LRP1B: variants seen among roughly 807,000 people sequenced by gnomAD.
LRP1B encodes low-density lipoprotein receptor-related protein 1B.
A neutral mutation model predicts 556.6 loss-of-function variants in LRP1B; 217 were observed. The observed-to-expected ratio is 0.39, with a 90% CI of 0.35 to 0.44. The LOEUF (loss-of-function observed/expected upper bound fraction) is 0.44, where lower values mean the gene tolerates loss of function less well. Among genes scored for constraint, LRP1B ranks in the 20% least tolerant of loss-of-function variants. The pLI is 1.00. For missense variants in LRP1B, 5,053 were observed against 5,620.8 expected, an observed-to-expected ratio of 0.90 and a Z score of 3.23; for synonymous variants, 2,047 against 1,865.8, an observed-to-expected ratio of 1.10 and a Z score of -2.50.
chr2:141,774,805 A>G (rs1695007611), intron 2 of LRP1B, among the ~76,000 whole-genome samples: 1 of 152,160 alleles, frequency 6.6e-6, no homozygotes, highest in Non-Finnish European at 1.5e-5. Flanking sequence ...AACCAGAAGA[A>G]TCTTCTCAGA....
chr2:141,678,875 T>C (rs1690993653), intron 2 of LRP1B, among the ~76,000 whole-genome samples: 1 of 152,178 alleles, frequency 6.6e-6, no homozygotes, highest in Non-Finnish European at 1.5e-5. Flanking sequence ...CTGGTATTCA[T>C]GCTCCTATGA....
intron 83 of LRP1B, among the ~76,000 whole-genome samples, 160 bp downstream of exon 83, chr2:140,314,775 T>A (rs1048894893): frequency 7.2e-5 from 11 of 152,142 alleles, no homozygotes; most frequent in Non-Finnish European, 1.2e-4. Context: ...ATATACTGAA[T>A]TTAGAACAAA....
intron 2 of LRP1B, among the ~76,000 whole-genome samples, chr2:141,570,988 G>A (rs890288326): frequency 2.0e-5 from 3 of 151,302 alleles, no homozygotes. Flanking sequence ...GTAGTTCTGA[G>A]ACATCCAGGC....
At chr2:141,750,929 A>C (rs563564597) in intron 2 of LRP1B, among the ~76,000 whole-genome samples, 4 of 152,170 alleles carry the variant, frequency 2.6e-5, no homozygotes, top group African/African-American at 9.6e-5. Flanking sequence ...GAATTTCATG[A>C]TAAAACCTTT....
At chr2:140,425,420 C>T (rs773358004) in intron 66 of LRP1B, among the ~76,000 whole-genome samples, 14 of 151,946 alleles carry the variant, frequency 9.2e-5, no homozygotes, top group South Asian at 2.1e-4. Flanking sequence ...CCAGCCCCGC[C>T]GAGACAGAGT....
intron 43 of LRP1B, among the ~76,000 whole-genome samples, chr2:140,597,899 G>T (rs755486780): frequency 1.3e-5 from 2 of 152,114 alleles, no homozygotes; most frequent in Non-Finnish European, 2.9e-5. Flanking sequence ...TGCAGTGGAG[G>T]CATGAGGAGC....
intron 7 of LRP1B, among the ~76,000 whole-genome samples, chr2:141,137,348 C>A (rs1228228882): frequency 6.6e-6 from 1 of 151,872 alleles, no homozygotes; most frequent in Non-Finnish European, 1.5e-5. Context: ...TAGCCAGAGA[C>A]CGGCACTTCC....
intron 68 of LRP1B, among the ~76,000 whole-genome samples, chr2:140,377,032 GA>G (rs1380478240): frequency 6.6e-6 from 1 of 152,076 alleles, no homozygotes; most frequent in Admixed American, 6.6e-5. Flanking sequence ...GAGCTTTAGG[GA>G]ATCATTGCAA....
intron 2 of LRP1B, among the ~76,000 whole-genome samples, chr2:141,702,378 C>T (rs1330469129): frequency 6.6e-6 from 1 of 151,846 alleles, no homozygotes; most frequent in African/African-American, 2.4e-5. Flanking sequence ...ATAATGTAAC[C>T]GTTGTCCCCT....
intron 3 of LRP1B, among the ~76,000 whole-genome samples, chr2:141,476,945 G>T (rs1322366985): frequency 1.3e-5 from 2 of 152,062 alleles, no homozygotes; most frequent in Admixed American, 6.6e-5. Flanking sequence ...CCAACATGGA[G>T]AAACTCCATT....
intron 3 of LRP1B, among the ~76,000 whole-genome samples, chr2:141,454,512 AC>A (rs1457903421): frequency 1.3e-5 from 2 of 152,188 alleles, no homozygotes; most frequent in East Asian, 3.9e-4. Context: ...ACCTACCATG[AC>A]ATACATTAAT....
intron 3 of LRP1B, among the ~76,000 whole-genome samples, chr2:141,407,499 A>T (rs560623573): frequency 3.7e-4 from 56 of 152,236 alleles, no homozygotes; most frequent in African/African-American, 1.3e-3. Flanking sequence ...AGGTGTTTGG[A>T]TCATACAGGC....
chr2:140,408,033 T>C (rs1684820093), intron 66 of LRP1B, among the ~76,000 whole-genome samples: 1 of 151,888 alleles, frequency 6.6e-6, no homozygotes, highest in African/African-American at 2.4e-5. Flanking sequence ...TTGCAGCAAC[T>C]TGGATGGAGC....
intron 7 of LRP1B, among the ~76,000 whole-genome samples, chr2:141,183,398 G>T (rs1352086193): frequency 1.3e-5 from 2 of 152,000 alleles, no homozygotes; most frequent in African/African-American, 4.8e-5. Context: ...TGTTAACTTT[G>T]ATTCAATCTT....
intron 41 of LRP1B, among the ~76,000 whole-genome samples, chr2:140,678,494 A>G (rs1309410832): frequency 6.6e-6 from 1 of 152,234 alleles, no homozygotes; most frequent in Non-Finnish European, 1.5e-5. Context: ...ACATATTAGC[A>G]TTAAAGACTG....
chr2:140,475,645 T>C (rs950458807), intron 59 of LRP1B, among the ~76,000 whole-genome samples: 2 of 151,534 alleles, frequency 1.3e-5, no homozygotes, highest in Non-Finnish European at 3.0e-5. Context: ...ATATGTAAAC[T>C]TTCAAAAGAT....
At chr2:141,660,496 G>A (rs911232240) in intron 2 of LRP1B, among the ~76,000 whole-genome samples, 10 of 152,080 alleles carry the variant, frequency 6.6e-5, no homozygotes, top group African/African-American at 1.2e-4. Context: ...CTGGTGCCGC[G>A]GAAACTGGGC....
intron 3 of LRP1B, among the ~76,000 whole-genome samples, chr2:141,454,049 T>A (rs888154554): frequency 1.3e-5 from 2 of 152,228 alleles, no homozygotes; most frequent in Non-Finnish European, 2.9e-5. Flanking sequence ...CCCCATAACA[T>A]CTTATGCCAA....
intron 7 of LRP1B, among the ~76,000 whole-genome samples, chr2:141,085,950 G>T (rs1368629894): frequency 6.6e-6 from 1 of 152,244 alleles, no homozygotes; most frequent in East Asian, 1.9e-4. Context: ...ATATAGAATT[G>T]TCTTTTTGTT....
Sources: gnomAD v4.1 joint callset for allele counts (sites outside exome capture counted in the v4.1 genomes callset) on GRCh38, gnomAD v4.1.1 for gene constraint, MANE v1.5 for transcripts, NCBI Gene and HGNC (gene_info 2026-07-23, HGNC 2026-07-21) for gene names.